The following GRIP1 variants were observed in gnomAD, a reference collection of about 807,000 sequenced individuals.
GRIP1 encodes glutamate receptor interacting protein 1.
Under a neutral mutation model 129.9 loss-of-function variants are expected in GRIP1, and 45 were observed. The ratio of observed to expected loss-of-function variants is 0.35; its 90% CI spans 0.27 to 0.44. The LOEUF is 0.44. GRIP1 is among the 20% of genes least tolerant of loss of function. The pLI is 1.00. For missense variants in GRIP1, 1,196 were observed against 1,396.8 expected, an observed-to-expected ratio of 0.86 and a Z score of 2.29; for synonymous variants, 530 against 520.8, an observed-to-expected ratio of 1.02 and a Z score of -0.24.
intron 7 of GRIP1, among the ~76,000 whole-genome samples, chr12:66,483,717 A>T (rs2138589505): frequency 6.6e-6 from 1 of 152,334 alleles, no homozygotes; most frequent in East Asian, 1.9e-4. Flanking sequence ...TGCATAAATC[A>T]CAAGTTTACA....
intron 9 of GRIP1, 21 bp from the exon 10 acceptor site, chr12:66,456,363 T>TG: frequency 1.6e-6 from 2 of 1,266,004 alleles, no homozygotes; most frequent in African/African-American, 3.1e-5. Context: ...GAAGTGATGA[T>TG]GAAAAATAAG....
upstream of GRIP1, among the ~76,000 whole-genome samples, chr12:66,804,337 G>A (rs552954418): frequency 4.6e-5 from 7 of 152,142 alleles, no homozygotes; most frequent in African/African-American, 1.4e-4. Flanking sequence ...TCAACACGGC[G>A]ACTTTGGCCA....
intron 18 of GRIP1, 27 bp from the exon 19 acceptor site, chr12:66,392,529 T>C (rs569662809): frequency 1.2e-6 from 2 of 1,605,940 alleles, no homozygotes; most frequent in South Asian, 1.1e-5. Flanking sequence ...GGAGTTTAAG[T>C]ATCAGAGTAA....
At chr12:67,033,286 T>C (rs1193972740) in intron 1 of GRIP1, among the ~76,000 whole-genome samples, 2 of 150,226 alleles carry the variant, frequency 1.3e-5, no homozygotes, top group Non-Finnish European at 3.0e-5. Flanking sequence ...TATATATATA[T>C]ATATATAAAG....
chr12:66,465,816 A>T (rs1490932444), intron 7 of GRIP1, among the ~76,000 whole-genome samples: 1 of 152,182 alleles, frequency 6.6e-6, no homozygotes, highest in East Asian at 1.9e-4. Flanking sequence ...TACCAGGAAT[A>T]AATAGACGGA....
chr12:66,785,052 C>T (rs1383499140), intron 1 of GRIP1, among the ~76,000 whole-genome samples: 1 of 151,962 alleles, frequency 6.6e-6, no homozygotes, highest in Admixed American at 6.6e-5. Context: ...ATTTCATACT[C>T]CACTGACTTG....
chr12:66,929,268 A>C (rs2041347566), intron 1 of GRIP1, among the ~76,000 whole-genome samples: 1 of 152,140 alleles, frequency 6.6e-6, no homozygotes, highest in African/African-American at 2.4e-5. Context: ...GTTTCATCCT[A>C]TCACTCATGT....
intron 1 of GRIP1, among the ~76,000 whole-genome samples, chr12:66,707,986 GTTA>G (rs1437630165): frequency 6.6e-6 from 1 of 151,974 alleles, no homozygotes. Flanking sequence ...CGTGGGAGAG[GTTA>G]TTAACAATTG....
At chr12:66,766,212 T>A (rs2037632288) in intron 1 of GRIP1, among the ~76,000 whole-genome samples, 1 of 152,180 alleles carries the variant, frequency 6.6e-6, no homozygotes, top group African/African-American at 2.4e-5. Context: ...GGGCTGAAGC[T>A]CCAGGTCTTG....
At chr12:67,013,060 T>C (rs993788665) in intron 1 of GRIP1, among the ~76,000 whole-genome samples, 2 of 152,220 alleles carry the variant, frequency 1.3e-5, no homozygotes, top group Admixed American at 6.6e-5. Flanking sequence ...AAACAGGTAG[T>C]TGAAATATCA....
intron 1 of GRIP1, among the ~76,000 whole-genome samples, chr12:66,870,798 G>A (rs774775912): frequency 2.0e-4 from 31 of 152,050 alleles, no homozygotes; most frequent in Non-Finnish European, 2.9e-4. Context: ...CATGGCCTTC[G>A]TATGTTACTA....
chr12:66,475,063 T>G (rs1210175208), intron 7 of GRIP1, among the ~76,000 whole-genome samples: 2 of 152,164 alleles, frequency 1.3e-5, no homozygotes, highest in Non-Finnish European at 2.9e-5. Flanking sequence ...GACCCATCAG[T>G]GTGCTGTATT....
intron 13 of GRIP1, among the ~76,000 whole-genome samples, chr12:66,436,995 A>G (rs1017057949): frequency 1.4e-5 from 2 of 139,792 alleles, no homozygotes; most frequent in Non-Finnish European, 3.2e-5. Context: ...AAAAAAAAAA[A>G]AGGAGAAAAG....
chr12:66,460,721 TGA>T (rs1178242535), intron 9 of GRIP1, among the ~76,000 whole-genome samples: 3 of 152,200 alleles, frequency 2.0e-5, no homozygotes, highest in Non-Finnish European at 4.4e-5. Context: ...GGAAGTGTGT[TGA>T]GAGACACACT....
At chr12:66,503,266 A>G (rs1490622436) in intron 7 of GRIP1, among the ~76,000 whole-genome samples, 1 of 152,118 alleles carries the variant, frequency 6.6e-6, no homozygotes, top group African/African-American at 2.4e-5. Flanking sequence ...GTGGACTATG[A>G]CTTTTGGGGG....
intron 1 of GRIP1, among the ~76,000 whole-genome samples, chr12:67,001,309 G>C (rs569077035): frequency 6.6e-6 from 1 of 152,100 alleles, no homozygotes; most frequent in African/African-American, 2.4e-5. Flanking sequence ...TCTAAATTCT[G>C]TTCATAGGCT....
chr12:66,909,233 G>A (rs759387091), intron 1 of GRIP1, among the ~76,000 whole-genome samples: 7 of 152,074 alleles, frequency 4.6e-5, no homozygotes, highest in Non-Finnish European at 8.8e-5. Context: ...TGAGCTCCTA[G>A]TACTTTCCTC....
At chr12:66,525,979 G>A (rs1479208276) in intron 5 of GRIP1, among the ~76,000 whole-genome samples, 42 of 152,260 alleles carry the variant, frequency 2.8e-4, no homozygotes, top group African/African-American at 9.9e-4. Flanking sequence ...TACAAGGGTT[G>A]TGAAGGACCT....
chr12:66,787,657 T>A (rs565281062), intron 1 of GRIP1, among the ~76,000 whole-genome samples: 34 of 152,230 alleles, frequency 2.2e-4, no homozygotes, highest in Non-Finnish European at 3.1e-4. Context: ...AGGACACAGC[T>A]AGAAGGCACC....
Sources: gnomAD v4.1 joint callset for allele counts (sites outside exome capture counted in the v4.1 genomes callset) on GRCh38, gnomAD v4.1.1 for gene constraint, MANE v1.5 for transcripts, NCBI Gene and HGNC (gene_info 2026-07-23, HGNC 2026-07-21) for gene names.